The following BCAT1 variants were observed in gnomAD, a reference collection of about 807,000 sequenced individuals.
BCAT1 encodes branched chain amino acid transaminase 1.
BCAT1 carries 48 observed loss-of-function variants against 52.4 expected under a neutral mutation model. That is an observed-to-expected ratio of 0.92 (90% CI 0.73 to 1.16). The LOEUF (loss-of-function observed/expected upper bound fraction) is 1.16, where lower values mean the gene tolerates loss of function less well. Among genes scored for constraint, BCAT1 ranks in the 50% most tolerant of loss-of-function variants. The pLI, the probability that BCAT1 is intolerant of heterozygous loss-of-function variation, is 0.00. For missense variants in BCAT1, 451 were observed against 457.1 expected (o/e 0.99, Z 0.12); for synonymous variants, 167 against 161.3 (o/e 1.04, Z -0.27).
At chr12:24,936,723 T>TCTCA (rs201793932) in intron 1 of BCAT1, among the ~76,000 whole-genome samples, 17,208 of 142,252 alleles carry the variant, frequency 0.12, 1,632 homozygotes, top group East Asian at 0.29. Context: ...TCTCTCTCTC[T>TCTCA]CACACACACA....
intron 1 of BCAT1, chr12:24,902,945 A>G: frequency 6.6e-7 from 1 of 1,507,514 alleles, no homozygotes; most frequent in South Asian, 1.2e-5. Flanking sequence ...GGTTCGAGGT[A>G]CCTGGCGGGC....
chr12:24,877,258 TCA>T (rs1942374348), intron 5 of BCAT1, among the ~76,000 whole-genome samples: 1 of 152,210 alleles, frequency 6.6e-6, no homozygotes, highest in Admixed American at 6.5e-5. Context: ...GCGCTCTATC[TCA>T]CACTCTCTTA....
chr12:24,881,167 T>A, intron 4 of BCAT1, 134 bp downstream of exon 4: 1 of 658,212 alleles, frequency 1.5e-6, no homozygotes, highest in South Asian at 2.4e-5. Context: ...CTAAAGTAGA[T>A]CAGAAATAAT....
At chr12:24,922,990 C>A (rs1461726969) in intron 1 of BCAT1, among the ~76,000 whole-genome samples, 1 of 152,124 alleles carries the variant, frequency 6.6e-6, no homozygotes, top group African/African-American at 2.4e-5. Context: ...ACAGGATGCA[C>A]TTAACTCCTC....
chr12:24,826,926 C>G (rs36035411), intron 10 of BCAT1, among the ~76,000 whole-genome samples: 21,258 of 151,878 alleles, frequency 0.14, 1,886 homozygotes, highest in Middle Eastern at 0.24. Context: ...TTCTTGATTT[C>G]TTTTTCAGAT....
At chr12:24,930,520 G>T in intron 1 of BCAT1, among the ~76,000 whole-genome samples, 1 of 152,270 alleles carries the variant, frequency 6.6e-6, no homozygotes, top group South Asian at 2.1e-4. Context: ...GCTATGTTCC[G>T]TACACCAGTG....
In BCAT1 at chr12:24,849,797, G is replaced by T. The variant is rs764909491; in HGVS notation, c.663C>A (p.Cys221Ter). ...ACAGATTTACTTACCCTCCCATCTTGCAGTCCCCAGTTCCACCTTTCCAGG... is the reference window on the plus strand; with the variant it reads ...ACAGATTTACTTACCCTCCCATCTTTCAGTCCCCAGTTCCACCTTTCCAGG... ...VRAWKGGTGD[C>*]KMGGNYGSSL... The change falls in exon 6 of 11, where the codon TGC becomes TGA. Residue 221 changes from cysteine to a stop codon, truncating the protein, a stop_gained. Transcript: ENST00000261192. LOFTEE classifies it high-confidence loss of function. 2 of 1,608,130 alleles carry T rather than the reference G, an allele frequency of 1.2e-6. No individual in the cohort carries two copies. Among genetic ancestry groups the T allele is most frequent in the Non-Finnish European group, 1.7e-6 (2 of 1,175,846 alleles).
intron 1 of BCAT1, among the ~76,000 whole-genome samples, chr12:24,947,390 C>A (rs1943947354): frequency 6.6e-6 from 1 of 152,180 alleles, no homozygotes; most frequent in African/African-American, 2.4e-5. Context: ...CAAGCTCATG[C>A]ATGACTTAAG....
At position 24,823,600 on chromosome 12, in the gene BCAT1, T is replaced by A. The variant is rs757919221; in HGVS notation, c.1120-5551A>T. Among the ~76,000 whole-genome samples, 11 of 152,282 alleles carry A rather than the reference T, an allele frequency of 7.2e-5. No homozygotes were observed. In the South Asian group the frequency reaches 1.4e-3, roughly 20 times the overall value. Reference sequence around the variant, plus strand: ...GGCCTGGTGTCAGGTAATTGCATCATGGGAGCAAACCTCCCCCTTGCTGTT... The same window carrying A: ...GGCCTGGTGTCAGGTAATTGCATCAAGGGAGCAAACCTCCCCCTTGCTGTT... On this transcript the variant is annotated intron_variant, in intron 10 of 10. Transcript: ENST00000261192.
chr12:24,895,527 G>GAAA (rs542528934), intron 2 of BCAT1, among the ~76,000 whole-genome samples: 16 of 110,592 alleles, frequency 1.4e-4, no homozygotes, highest in African/African-American at 5.3e-4. Context: ...CTCTGTCTCA[G>GAAA]AAAAAAAAAA....
intron 1 of BCAT1, among the ~76,000 whole-genome samples, chr12:24,929,694 A>G (rs891877389): frequency 1.3e-5 from 2 of 152,058 alleles, no homozygotes; most frequent in Non-Finnish European, 2.9e-5. Flanking sequence ...AAGACAACCT[A>G]TGCTTGCTAT....
chr12:24,853,863 T>C (rs1941586840), intron 5 of BCAT1, among the ~76,000 whole-genome samples: 1 of 151,946 alleles, frequency 6.6e-6, no homozygotes, highest in African/African-American at 2.4e-5. Context: ...TTCAAATACA[T>C]GAGGAATTAA....
At chr12:24,842,037 T>C (rs1455637869) in intron 7 of BCAT1, 45 bp downstream of exon 7, 2 of 1,599,830 alleles carry the variant, frequency 1.3e-6, no homozygotes, top group East Asian at 4.5e-5. Flanking sequence ...CTGGTCCTGT[T>C]GAAAATGACT....
Position 24,894,461 on chromosome 12 carries a change from T to G in BCAT1, c.93A>C (p.Ile31=). ...VVGTFKAKDL[I]VTPATILKEK... is the part of the protein sequence containing the mutation. ...CCTTTAAAATGGTAGCTGGTGTGACTATTAGGTCTTTAGCCTGGGGAAGAA... is the reference window on the plus strand; with the variant it reads ...CCTTTAAAATGGTAGCTGGTGTGACGATTAGGTCTTTAGCCTGGGGAAGAA... The change falls in exon 3 of 11, where the codon ATA becomes ATC. Residue 31 remains isoleucine (I), a synonymous_variant. Transcript: ENST00000261192. 1 of 1,591,908 alleles carries G rather than the reference T, an allele frequency of 6.3e-7. No homozygotes were observed. Among genetic ancestry groups the G allele is most frequent in the South Asian group, 1.1e-5 (1 of 87,880 alleles).
chr12:24,923,876 A>C (rs1199023386), intron 1 of BCAT1, among the ~76,000 whole-genome samples: 2 of 152,232 alleles, frequency 1.3e-5, no homozygotes, highest in South Asian at 4.1e-4. Flanking sequence ...TGAAAAGCAG[A>C]ATCTGCTCAG....
chr12:24,855,673 G>T (rs1023748242), intron 5 of BCAT1, among the ~76,000 whole-genome samples: 3 of 152,174 alleles, frequency 2.0e-5, no homozygotes, highest in African/African-American at 7.2e-5. Flanking sequence ...GAACTACCAC[G>T]CCTGGCACCA....
chr12:24,875,646 A>C (rs2139578145), intron 5 of BCAT1, among the ~76,000 whole-genome samples: 1 of 152,320 alleles, frequency 6.6e-6, no homozygotes, highest in Non-Finnish European at 1.5e-5. Context: ...CACTCACCAG[A>C]TCTACTCAGA....
At chr12:24,821,572 A>G (rs1481939914) in intron 10 of BCAT1, among the ~76,000 whole-genome samples, 1 of 152,124 alleles carries the variant, frequency 6.6e-6, no homozygotes, top group Non-Finnish European at 1.5e-5. Context: ...CTCTTCTCGG[A>G]ATGTGTTAAT....
At chr12:24,849,382 G>A (rs376264205) in intron 6 of BCAT1, among the ~76,000 whole-genome samples, 59 of 152,348 alleles carry the variant, frequency 3.9e-4, no homozygotes, top group East Asian at 5.8e-4. Flanking sequence ...CCAACTGAGA[G>A]CCTGGGTCCC....
Sources: allele counts gnomAD v4.1 joint callset (sites outside exome capture counted in the v4.1 genomes callset), GRCh38; gene constraint gnomAD v4.1.1; transcripts MANE v1.5; gene names NCBI Gene and HGNC (gene_info 2026-07-23, HGNC 2026-07-21).